The following TPH1 variants were observed in gnomAD, a reference collection of about 807,000 sequenced individuals.
TPH1 encodes the protein tryptophan 5-hydroxylase 1.
TPH1 carries 37 observed loss-of-function variants against 49.5 expected under a neutral mutation model. The observed-to-expected ratio is 0.75, with a 90% CI of 0.58 to 0.98. The LOEUF (loss-of-function observed/expected upper bound fraction) is 0.98, where lower values mean the gene tolerates loss of function less well. TPH1 is among the 50% of genes least tolerant of loss of function. The pLI is 0.00. For missense variants in TPH1, 487 were observed against 523.6 expected, an observed-to-expected ratio of 0.93 and a Z score of 0.68; for synonymous variants, 160 against 182.1, an observed-to-expected ratio of 0.88 and a Z score of 0.98.
rs773983510 is a variant in TPH1, at chr11:18,020,330, C to G, written c.*661G>C. 1 of 153,902 alleles carries G rather than the reference C, an allele frequency of 6.5e-6. No individual in the cohort carries two copies. Among genetic ancestry groups the G allele is most frequent in the South Asian group, 2.0e-4 (1 of 4,920 alleles). The allele number at this position is 153,902 out of a possible 1,614,324, so 9.5% of individuals were successfully genotyped here. On this transcript the variant is annotated 3_prime_UTR_variant, in exon 11 of 11. Coordinates refer to ENST00000682019, the MANE Select transcript of TPH1 (RefSeq NM_004179.3). ...TAAAGTCTCGAATTTTTAGCCTAGT[C>G]TTAATGATTATGCCCCATTCAACCT...
At chr11:18,037,523 G>A (rs899314438) in intron 2 of TPH1, among the ~76,000 whole-genome samples, 3 of 152,104 alleles carry the variant, frequency 2.0e-5, no homozygotes, top group Admixed American at 1.3e-4. Flanking sequence ...TTGATCAGGT[G>A]TAAAGAAGAG....
At chr11:18,034,463 G>C (rs72874057) in intron 3 of TPH1, among the ~76,000 whole-genome samples, 21,609 of 152,130 alleles carry the variant, frequency 0.14, 1,718 homozygotes, top group Middle Eastern at 0.28. Context: ...TGCTCTGCAA[G>C]GTGTTAACCC....
At chr11:18,025,520 C>G (rs1565235305) in intron 8 of TPH1, 55 bp downstream of exon 8, 2 of 1,609,806 alleles carry the variant, frequency 1.2e-6, no homozygotes, top group South Asian at 2.2e-5. Context: ...TTAAACTACA[C>G]AGATACTCAT....
chr11:18,044,920 G>C (rs1314042895), intron 1 of TPH1, among the ~76,000 whole-genome samples: 2 of 152,202 alleles, frequency 1.3e-5, no homozygotes, highest in Admixed American at 6.5e-5. Flanking sequence ...GAAAGGTAGA[G>C]TCATTTTCCT....
chr11:18,042,459 T>C (rs1848106970), intron 1 of TPH1: 3 of 387,898 alleles, frequency 7.7e-6, no homozygotes, highest in Non-Finnish European at 1.5e-5. Flanking sequence ...ATAAAAGAGA[T>C]GCAAAATAAT....
chr11:18,039,200 T>C (rs1447149832), intron 2 of TPH1, among the ~76,000 whole-genome samples: 1 of 152,248 alleles, frequency 6.6e-6, no homozygotes, highest in Non-Finnish European at 1.5e-5. Context: ...AACAGCTATA[T>C]AATAGTATGT....
chr11:18,046,184 G>A (rs1345975933), intron 1 of TPH1, among the ~76,000 whole-genome samples, 57 bp downstream of exon 1: 1 of 152,108 alleles, frequency 6.6e-6, no homozygotes, highest in African/African-American at 2.4e-5. Flanking sequence ...CCTGCCAAGC[G>A]CCGCCAAAGC....
rs143049345 is a variant in TPH1, at chr11:18,021,050, G to C, written c.1276C>G (p.His426Asp). Residue 426 changes from histidine (H) to aspartate (D), a missense_variant, in exon 11 of 11, where the codon CAT (histidine) becomes GAT (aspartate). His to Asp is a moderately conservative substitution (Grantham distance 81). Transcript: ENST00000682019. ...GCATCACTGACAACATCGAGATCAT[G>C]CTGCAGCTCATTCATGGCACTGGTT... is the stretch of plus-strand genomic sequence containing the variant. ...SITSAMNELQHDLDVVSDALA... is the reference protein window; with the variant it reads ...SITSAMNELQDDLDVVSDALA... 239 of 1,613,972 alleles carry C rather than the reference G, an allele frequency of 1.5e-4. No homozygotes were observed. Among genetic ancestry groups the C allele is most frequent in the Non-Finnish European group, 9.2e-5 (109 of 1,179,990 alleles).
intron 1 of TPH1, chr11:18,041,257 T>G (rs747993789): frequency 7.6e-5 from 12 of 157,290 alleles, no homozygotes; most frequent in African/African-American, 2.9e-4. Flanking sequence ...CTATTTATTT[T>G]GTAAACTAAA....
intron 2 of TPH1, among the ~76,000 whole-genome samples, chr11:18,038,843 C>G (rs893235096): frequency 5.9e-5 from 9 of 151,826 alleles, no homozygotes; most frequent in African/African-American, 2.2e-4. Context: ...TATTTAAAGA[C>G]CCAAAGGTAA....
intron 2 of TPH1, among the ~76,000 whole-genome samples, chr11:18,037,085 G>A (rs78614811): frequency 0.039 from 5,990 of 152,232 alleles, 394 homozygotes; most frequent in African/African-American, 0.14. Context: ...TAGGCCAGGC[G>A]TGGTGGCTCA....
chr11:18,024,213 C>T (rs114521112), intron 8 of TPH1, among the ~76,000 whole-genome samples: 3,720 of 152,076 alleles, frequency 0.024, 165 homozygotes, highest in African/African-American at 0.086. Flanking sequence ...TTTTGTTGTG[C>T]GTGTATGTGT....
chr11:18,023,128 C>T lies in TPH1; in HGVS notation c.1027-197G>A, dbSNP rs139185471. 1,349 of 561,568 alleles carry T rather than the reference C, an allele frequency of 2.4e-3. 5 individuals are homozygous for T. The highest frequency in any genetic ancestry group is 0.013 in the African/African-American group (711 of 53,036). 34.8% of individuals were successfully genotyped at this position (561,568 alleles called of 1,614,324 possible). Reference sequence around the variant, plus strand: ...AATGGCTTGCCCTTCCCTGTAAATACCCCCAAGATCCTCTCCATGGCTTTG... The same window carrying T: ...AATGGCTTGCCCTTCCCTGTAAATATCCCCAAGATCCTCTCCATGGCTTTG... On this transcript the variant is annotated intron_variant, in intron 9 of 10. Coordinates refer to ENST00000682019, the MANE Select transcript of TPH1 (RefSeq NM_004179.3).
chr11:18,023,722 G>T (rs1408432333), intron 9 of TPH1, among the ~76,000 whole-genome samples, 166 bp downstream of exon 9: 2 of 151,882 alleles, frequency 1.3e-5, no homozygotes, highest in East Asian at 1.9e-4. Context: ...TGGATTATAT[G>T]ATATAATATA....
At chr11:18,045,458 T>C (rs753664700) in intron 1 of TPH1, among the ~76,000 whole-genome samples, 1 of 146,132 alleles carries the variant, frequency 6.8e-6, no homozygotes, top group Non-Finnish European at 1.5e-5. Flanking sequence ...TACAGAAACA[T>C]TGATATTAGA....
At position 18,029,537 on chromosome 11, in the gene TPH1, C is replaced by T; in HGVS notation, c.445G>A (p.Ala149Thr). 1 of 1,613,064 alleles carries T rather than the reference C, an allele frequency of 6.2e-7. No homozygotes were observed. The highest frequency in any genetic ancestry group is 8.5e-7 in the Non-Finnish European group (1 of 1,179,472). ...NVYRKRRKYF[A>T]DLAMNYKHGD... ...TGTTTATAGTTCATAGCCAAGTCCG[C>T]AAAATACTTTCGACGTTTACGGTAG... The change falls in exon 5 of 11, where the codon GCG (alanine) becomes ACG (threonine). Residue 149 changes from alanine (A) to threonine (T), a missense_variant. Transcript: ENST00000682019.
At chr11:18,029,081 CAAAAAAAAAA>C in intron 6 of TPH1, 74 bp downstream of exon 6, 2 of 536,582 alleles carry the variant, frequency 3.7e-6, no homozygotes, top group Non-Finnish European at 3.0e-6. Context: ...GACTCTGTCT[CAAAAAAAAAA>C]AAAAAAAAAA....
At position 18,036,070 on chromosome 11, in the gene TPH1, C is replaced by T; in HGVS notation, c.190G>A (p.Val64Ile). Residue 64 changes from valine (V) to isoleucine (I), a missense_variant, in exon 3 of 11, where the codon GTT (valine) becomes ATT (isoleucine). By Grantham distance (29) the Val-to-Ile change is conservative. Coordinates refer to ENST00000682019, the MANE Select transcript of TPH1 (RefSeq NM_004179.3). ...KRRNSEFEIFVDCDINREQLN... is the reference protein window; with the variant it reads ...KRRNSEFEIFIDCDINREQLN... ...TGTTCTCTGTTGATGTCACAGTCAA[C>T]AAAAATCTCAAATTCTGAGTTTCTT... 1 of 1,613,188 alleles carries T rather than the reference C, an allele frequency of 6.2e-7. No homozygotes were observed.
At chr11:18,031,419 A>C (rs1564857837) in intron 4 of TPH1, among the ~76,000 whole-genome samples, 1 of 152,146 alleles carries the variant, frequency 6.6e-6, no homozygotes, top group Non-Finnish European at 1.5e-5. Context: ...AGGCTGCTAC[A>C]ATCATTTGTG....
Sources: allele counts gnomAD v4.1 joint callset (sites outside exome capture counted in the v4.1 genomes callset), GRCh38; gene constraint gnomAD v4.1.1; transcripts MANE v1.5; gene names NCBI Gene and HGNC (gene_info 2026-07-23, HGNC 2026-07-21).